Variants in PRKAG2 observed in about 807,000 individuals in gnomAD.
PRKAG2 encodes protein kinase AMP-activated non-catalytic subunit gamma 2.
A neutral mutation model predicts 69.6 loss-of-function variants in PRKAG2; 26 were observed. That is an observed-to-expected ratio of 0.37 (90% CI 0.27 to 0.52). The LOEUF (loss-of-function observed/expected upper bound fraction) is 0.52, where lower values mean the gene tolerates loss of function less well. PRKAG2 is among the 20% of genes least tolerant of loss of function. The probability of loss-of-function intolerance (pLI) is 0.90; values close to 1 mark genes in which losing one functional copy is unlikely to be tolerated. For synonymous variants in PRKAG2, 293 were observed against 285.0 expected (o/e 1.03, Z -0.28); for missense variants, 557 against 740.0 (o/e 0.75, Z 2.87).
chr7:151,635,424 C>A (rs948323725), intron 4 of PRKAG2, among the ~76,000 whole-genome samples: 1 of 152,112 alleles, frequency 6.6e-6, no homozygotes, highest in East Asian at 1.9e-4. Flanking sequence ...ACAGTGCAAA[C>A]GAAATAACAG....
intron 1 of PRKAG2, among the ~76,000 whole-genome samples, chr7:151,816,887 CA>C (rs1392953356): frequency 6.6e-6 from 1 of 152,180 alleles, no homozygotes; most frequent in East Asian, 1.9e-4. Context: ...CTGGAAATGT[CA>C]GAGAAATGGG....
Position 151,576,603 on chromosome 7 carries a change from T to C in PRKAG2, c.865-151A>G, listed in dbSNP as rs3762014. On this transcript the variant is annotated intron_variant, in intron 6 of 15. Transcript: ENST00000287878. ...GCAACCTCTGCTTCCTGGGCTCAAT[T>C]GATTCTCTCACCTCAGCCTCCCGAG... 0.31 allele frequency: 206,490 copies of C among 671,230 alleles called. 35,866 individuals carry two copies. The highest frequency in any genetic ancestry group is 0.53 in the African/African-American group (29,255 of 55,122). 41.6% of individuals were successfully genotyped at this position (671,230 alleles called of 1,614,324 possible).
chr7:151,854,450 A>G (rs1231173796), intron 1 of PRKAG2, among the ~76,000 whole-genome samples: 1 of 152,192 alleles, frequency 6.6e-6, no homozygotes, highest in Non-Finnish European at 1.5e-5. Flanking sequence ...TGCCCCCAAG[A>G]GCCTCTGGCC....
chr7:151,823,845 A>C (rs7805942), intron 1 of PRKAG2, among the ~76,000 whole-genome samples: 17,856 of 152,164 alleles, frequency 0.12, 1,173 homozygotes, highest in East Asian at 0.24. Flanking sequence ...ACCTCTGGGG[A>C]GTTTTCAAAA....
At chr7:151,839,773 GT>G (rs2079233038) in intron 1 of PRKAG2, among the ~76,000 whole-genome samples, 1 of 152,192 alleles carries the variant, frequency 6.6e-6, no homozygotes, top group African/African-American at 2.4e-5. Context: ...CACCTGCAAT[GT>G]CACTGAGCTT....
chr7:151,613,460 C>G (rs1210222374), intron 5 of PRKAG2, among the ~76,000 whole-genome samples: 2 of 152,170 alleles, frequency 1.3e-5, no homozygotes, highest in African/African-American at 2.4e-5. Context: ...TGAAAAAATA[C>G]TAAATCTGAA....
intron 3 of PRKAG2, among the ~76,000 whole-genome samples, chr7:151,740,232 G>A (rs968537427): frequency 5.3e-5 from 8 of 152,230 alleles, no homozygotes; most frequent in African/African-American, 9.6e-5. Flanking sequence ...GCAGACGCCC[G>A]AAGGAGGGAG....
At chr7:151,855,204 C>G (rs2079705659) in intron 1 of PRKAG2, among the ~76,000 whole-genome samples, 1 of 140,908 alleles carries the variant, frequency 7.1e-6, no homozygotes, top group Non-Finnish European at 1.6e-5. Flanking sequence ...CCACACACAC[C>G]ACCCTCCACA....
chr7:151,565,810 C>T lies in PRKAG2; in HGVS notation c.1309G>A (p.Ala437Thr). 4.3e-6 allele frequency: 7 copies of T among 1,612,234 alleles called. No individual in the cohort carries two copies. Among genetic ancestry groups the T allele is most frequent in the Non-Finnish European group, 5.9e-6 (7 of 1,178,292 alleles). ...ATGGGAGTGTCTGGATGTATGAAGG[C>T]AATGTTGTGGTACGTTCCTATTCCA... ...ELGIGTYHNI[A>T]FIHPDTPIIK... Residue 437 changes from alanine (A) to threonine (T), a missense_variant, in exon 12 of 16, where the codon GCC (alanine) becomes ACC (threonine). By Grantham distance (58) the Ala-to-Thr change is moderately conservative. This residue lies in a region of PRKAG2 where 205 missense variants were observed against 383.4 expected (regional missense o/e 0.53). Coordinates refer to ENST00000287878, the MANE Select transcript of PRKAG2 (RefSeq NM_016203.4).
intron 3 of PRKAG2, among the ~76,000 whole-genome samples, chr7:151,676,191 C>T (rs1168984646): frequency 5.6e-5 from 8 of 143,546 alleles, no homozygotes; most frequent in African/African-American, 1.6e-4. Flanking sequence ...GGAAAATGTG[C>T]AGCAGAGATG....
chr7:151,614,927 C>T lies in PRKAG2; in HGVS notation c.754+17142G>A, dbSNP rs1035661940. Among the ~76,000 whole-genome samples, 7 of 152,242 alleles carry T rather than the reference C, an allele frequency of 4.6e-5. No homozygotes were observed. Among genetic ancestry groups the T allele is most frequent in the Admixed American group, 2.6e-4 (4 of 15,300 alleles). On this transcript the variant is annotated intron_variant, in intron 5 of 15. Transcript: ENST00000287878. The surrounding 1 kb of genome is among the most constrained non-coding windows in gnomAD (Gnocchi z 4.4). ...CCAGAGGGAACCTCGAGAGAGGAGC[C>T]GTGTGGATCTAGAGGGAACCTCGAG...
At chr7:151,609,411 C>A (rs1818242739) in intron 5 of PRKAG2, among the ~76,000 whole-genome samples, 1 of 152,048 alleles carries the variant, frequency 6.6e-6, no homozygotes, top group Non-Finnish European at 1.5e-5. Context: ...ATTAGTCAGG[C>A]AAAAATACTA....
intron 6 of PRKAG2, among the ~76,000 whole-genome samples, chr7:151,582,755 T>A (rs780815218): frequency 1.3e-5 from 2 of 152,256 alleles, no homozygotes; most frequent in Non-Finnish European, 2.9e-5. Context: ...TTCGTTTTTC[T>A]GATGGCCTCA....
chr7:151,794,531 C>T (rs1043713606), intron 1 of PRKAG2, among the ~76,000 whole-genome samples: 17 of 152,244 alleles, frequency 1.1e-4, no homozygotes, highest in Admixed American at 2.6e-4. Context: ...GGCCGCTGGC[C>T]GAGGGCACAC....
At chr7:151,851,585 C>T (rs569192470) in intron 1 of PRKAG2, among the ~76,000 whole-genome samples, 1 of 152,280 alleles carries the variant, frequency 6.6e-6, no homozygotes, top group Non-Finnish European at 1.5e-5. Flanking sequence ...TTTCCATATG[C>T]CCCTGTTCAG....
chr7:151,656,809 T>A (rs1315229085), intron 4 of PRKAG2, among the ~76,000 whole-genome samples: 1 of 152,106 alleles, frequency 6.6e-6, no homozygotes, highest in East Asian at 1.9e-4. Flanking sequence ...TCAAGTAACA[T>A]CGTGGAATTC....
intron 4 of PRKAG2, among the ~76,000 whole-genome samples, chr7:151,667,443 C>A (rs1236416485): frequency 2.0e-5 from 3 of 152,186 alleles, no homozygotes; most frequent in African/African-American, 7.2e-5. Context: ...GCAGACCTAG[C>A]TGTTGAAACC....
intron 1 of PRKAG2, among the ~76,000 whole-genome samples, chr7:151,812,292 G>A (rs1271232957): frequency 6.6e-6 from 1 of 152,184 alleles, no homozygotes; most frequent in Non-Finnish European, 1.5e-5. Context: ...CTGAGAGGAG[G>A]TAAGGGGGTT....
At chr7:151,612,700 GC>G (rs1380807273) in intron 5 of PRKAG2, among the ~76,000 whole-genome samples, 1 of 152,234 alleles carries the variant, frequency 6.6e-6, no homozygotes, top group Non-Finnish European at 1.5e-5. Context: ...ATAGTGCACA[GC>G]CCCATTTCTA....
Sources: gnomAD v4.1 joint callset for allele counts (sites outside exome capture counted in the v4.1 genomes callset) on GRCh38, gnomAD v4.1.1 for gene constraint, gnomAD v4.1.1 regional missense constraint, Gnocchi (gnomAD v3.1) non-coding constraint, MANE v1.5 for transcripts, NCBI Gene and HGNC (gene_info 2026-07-23, HGNC 2026-07-21) for gene names.